The following MAGI2 variants were observed in gnomAD, a reference collection of about 807,000 sequenced individuals.
MAGI2 encodes membrane-associated guanylate kinase, WW and PDZ domain-containing protein 2.
MAGI2 carries 35 observed loss-of-function variants against 133.3 expected under a neutral mutation model. The ratio of observed to expected loss-of-function variants is 0.26; its 90% CI spans 0.20 to 0.35. The LOEUF (loss-of-function observed/expected upper bound fraction) is 0.35. Ranked by LOEUF, MAGI2 falls within the 10% of genes least tolerant of loss-of-function variation. The probability of loss-of-function intolerance (pLI) is 1.00; values close to 1 mark genes in which losing one functional copy is unlikely to be tolerated. For synonymous variants in MAGI2, 729 were observed against 710.6 expected (o/e 1.03, Z -0.41); for missense variants, 1,636 against 1,863.4 (o/e 0.88, Z 2.25).
intron 2 of MAGI2, among the ~76,000 whole-genome samples, chr7:78,864,725 G>A (rs1794416646): frequency 6.6e-6 from 1 of 152,000 alleles, no homozygotes; most frequent in South Asian, 2.1e-4. Context: ...TCATAAAGTA[G>A]GATACTAAAC....
intron 21 of MAGI2, among the ~76,000 whole-genome samples, chr7:78,050,287 CA>C (rs1422006146): frequency 6.6e-6 from 1 of 152,186 alleles, no homozygotes; most frequent in Non-Finnish European, 1.5e-5. Flanking sequence ...TTAGGGATCT[CA>C]TATTTAAATT....
intron 2 of MAGI2, among the ~76,000 whole-genome samples, chr7:78,798,351 C>G (rs1171248505): frequency 9.2e-5 from 14 of 152,026 alleles, no homozygotes; most frequent in Admixed American, 8.5e-4. Flanking sequence ...GAAAAAAATT[C>G]AGTGATATAA....
At chr7:78,766,014 G>A (rs1824988191) in intron 2 of MAGI2, among the ~76,000 whole-genome samples, 1 of 152,192 alleles carries the variant, frequency 6.6e-6, no homozygotes. Context: ...ATAAACAGCT[G>A]TACGAATCCA....
At chr7:78,240,346 G>A (rs1475065373) in intron 10 of MAGI2, among the ~76,000 whole-genome samples, 1 of 151,550 alleles carries the variant, frequency 6.6e-6, no homozygotes, top group East Asian at 2.0e-4. Flanking sequence ...GTATTCCATG[G>A]TGTATGTGGT....
chr7:79,317,019 CTTTT>C (rs58130248), intron 1 of MAGI2, among the ~76,000 whole-genome samples: 2,517 of 101,676 alleles, frequency 0.025, 63 homozygotes, highest in African/African-American at 0.089. Flanking sequence ...TTTTCTTTTT[CTTTT>C]TTTTTTTTTT....
intron 6 of MAGI2, among the ~76,000 whole-genome samples, chr7:78,396,520 C>G (rs1377131130): frequency 6.6e-6 from 1 of 152,192 alleles, no homozygotes; most frequent in Non-Finnish European, 1.5e-5. Context: ...TTTCACATAT[C>G]ACATGCTTAC....
intron 11 of MAGI2, among the ~76,000 whole-genome samples, chr7:78,197,155 T>G (rs551886369): frequency 6.6e-6 from 1 of 152,354 alleles, no homozygotes; most frequent in East Asian, 1.9e-4. Context: ...TACAGAAAGC[T>G]ATTCTGGGTT....
intron 1 of MAGI2, among the ~76,000 whole-genome samples, chr7:79,368,845 C>A (rs1228017390): frequency 1.7e-4 from 12 of 70,862 alleles, no homozygotes; most frequent in Non-Finnish European, 2.9e-4. Flanking sequence ...GAGACTCCGT[C>A]TCAAAAAAAA....
chr7:78,364,392 T>C (rs1037065451), intron 7 of MAGI2, among the ~76,000 whole-genome samples: 4 of 152,188 alleles, frequency 2.6e-5, no homozygotes, highest in Admixed American at 6.5e-5. Flanking sequence ...TGCTACCTCA[T>C]GATGGATACT....
chr7:79,300,892 C>G (rs1458803719), intron 1 of MAGI2, among the ~76,000 whole-genome samples: 1 of 152,210 alleles, frequency 6.6e-6, no homozygotes, highest in East Asian at 1.9e-4. Flanking sequence ...GCTGCTCTGG[C>G]TTTAGCCTTA....
intron 6 of MAGI2, among the ~76,000 whole-genome samples, chr7:78,436,928 C>A (rs1032153597): frequency 2.6e-5 from 4 of 152,120 alleles, no homozygotes; most frequent in African/African-American, 9.7e-5. Context: ...CATTTAGGAA[C>A]CAACTATGAT....
At chr7:78,161,567 A>G (rs1050998293) in intron 15 of MAGI2, among the ~76,000 whole-genome samples, 17 of 151,592 alleles carry the variant, frequency 1.1e-4, no homozygotes, top group African/African-American at 2.2e-4. Flanking sequence ...AAAAGTTCCA[A>G]TGAAGGCTCT....
intron 6 of MAGI2, among the ~76,000 whole-genome samples, chr7:78,420,034 A>G (rs1798655039): frequency 6.6e-6 from 1 of 152,126 alleles, no homozygotes; most frequent in Admixed American, 6.6e-5. Flanking sequence ...GTTACTTTGG[A>G]GTTCCTGTTA....
chr7:78,432,113 TATTAA>T (rs1024891174), intron 6 of MAGI2, among the ~76,000 whole-genome samples: 3 of 151,960 alleles, frequency 2.0e-5, no homozygotes, highest in Admixed American at 2.0e-4. Context: ...TAGGTTTAAA[TATTAA>T]ATTATTAATT....
At position 78,655,862 on chromosome 7, in the gene MAGI2, T is replaced by A. The variant is rs567209693; in HGVS notation, c.419-28623A>T. On this transcript the variant is annotated intron_variant, in intron 2 of 21. Coordinates refer to ENST00000354212, the MANE Select transcript of MAGI2 (RefSeq NM_012301.4). ...CAGGCGCGGTGGCGGGCGCCTGTAG[T>A]CCCAGCTACTCGGGAGGCTGAGGCA... is the stretch of plus-strand genomic sequence containing the variant. Among the ~76,000 whole-genome samples, 5 of 151,084 alleles carry A rather than the reference T, an allele frequency of 3.3e-5. No homozygotes were observed. The East Asian group carries it at 7.8e-4, about 24-fold the overall frequency.
At chr7:79,236,498 T>C (rs902418707) in intron 1 of MAGI2, among the ~76,000 whole-genome samples, 3 of 152,238 alleles carry the variant, frequency 2.0e-5, no homozygotes, top group Non-Finnish European at 2.9e-5. Flanking sequence ...GGTTTGGACA[T>C]AAGCAGCACA....
chr7:79,264,556 A>G (rs1034657343), intron 1 of MAGI2, among the ~76,000 whole-genome samples: 2 of 152,180 alleles, frequency 1.3e-5, no homozygotes, highest in African/African-American at 4.8e-5. Context: ...CCCTATATTA[A>G]TCTCCCAACA....
At chr7:78,481,086 G>A (rs1177246670) in intron 6 of MAGI2, among the ~76,000 whole-genome samples, 1 of 151,856 alleles carries the variant, frequency 6.6e-6, no homozygotes, top group African/African-American at 2.4e-5. Flanking sequence ...TATATAAAAT[G>A]GCAAAAGACC....
chr7:79,338,289 G>C (rs114503425), intron 1 of MAGI2, among the ~76,000 whole-genome samples: 2,305 of 152,186 alleles, frequency 0.015, 58 homozygotes, highest in African/African-American at 0.052. Context: ...TTAGTGTGTG[G>C]TTTAGAAACA....
Sources: allele counts gnomAD v4.1 joint callset (sites outside exome capture counted in the v4.1 genomes callset), GRCh38; gene constraint gnomAD v4.1.1; transcripts MANE v1.5; gene names NCBI Gene and HGNC (gene_info 2026-07-23, HGNC 2026-07-21).